Variants in IPO5 observed in about 807,000 individuals in gnomAD.
The protein encoded by IPO5 is importin 5.
Under a neutral mutation model 143.3 loss-of-function variants are expected in IPO5, and 18 were observed. The observed-to-expected ratio is 0.13, with a 90% CI of 0.09 to 0.19. The LOEUF is 0.19. IPO5 is among the 10% of genes least tolerant of loss of function. The pLI, the probability that IPO5 is intolerant of heterozygous loss-of-function variation, is 1.00. For missense variants in IPO5, 1,013 were observed against 1,336.9 expected (o/e 0.76, Z 3.78); for synonymous variants, 477 against 465.7 (o/e 1.02, Z -0.31).
chr13:98,007,267 C>A (rs1305641998), intron 17 of IPO5: 2 of 152,274 alleles, frequency 1.3e-5, no homozygotes, highest in African/African-American at 2.4e-5. Context: ...TATCCATGTT[C>A]GTTCCCTTTA....
In IPO5 at chr13:98,021,153, T is replaced by C. The variant is rs1423609198; in HGVS notation, c.3207+20T>C. ...GTACAGGTAAGCTGATTTGGTTGAATTGGGGAGGGGGAGATAAAACCTTTT... is the reference window on the plus strand; with the variant it reads ...GTACAGGTAAGCTGATTTGGTTGAACTGGGGAGGGGGAGATAAAACCTTTT... On this transcript the variant is annotated intron_variant, in intron 28 of 28. Coordinates refer to ENST00000651721, the MANE Select transcript of IPO5 (RefSeq NM_002271.6). The C allele has an allele frequency of 1.3e-5, 20 of 1,581,430 alleles. No homozygotes were observed. The highest frequency in any genetic ancestry group is 1.7e-4 in the Middle Eastern group (1 of 5,996).
intron 18 of IPO5, among the ~76,000 whole-genome samples, chr13:98,008,426 G>A (rs576287972): frequency 2.0e-5 from 3 of 152,242 alleles, no homozygotes; most frequent in Admixed American, 6.5e-5. Context: ...CACAGACATG[G>A]CTTCCGGTTT....
intron 6 of IPO5, chr13:97,988,002 G>A: frequency 3.3e-6 from 1 of 304,574 alleles, no homozygotes; most frequent in South Asian, 2.6e-5. Flanking sequence ...TCATCTTTAG[G>A]TTGAAGAAAC....
In IPO5 at chr13:97,990,114, A is replaced by T; in HGVS notation, c.468-12A>T. 1 of 1,499,554 alleles carries T rather than the reference A, an allele frequency of 6.7e-7. No homozygotes were observed. The highest frequency in any genetic ancestry group is 1.1e-5 in the South Asian group (1 of 87,636). The allele number at this position is 1,499,554 out of a possible 1,614,324, so 92.9% of individuals were successfully genotyped here. Reference sequence around the variant, plus strand: ...AATGTAGTTTTTAAAGAATGTTTGGATTATCTTTTAGGAACTTTCCTGGAA... The same window carrying T: ...AATGTAGTTTTTAAAGAATGTTTGGTTTATCTTTTAGGAACTTTCCTGGAA... On this transcript the variant is annotated splice_polypyrimidine_tract_variant and intron_variant, in intron 7 of 28. Transcript: ENST00000651721.
chr13:97,996,270 T>G (rs1464751072), intron 11 of IPO5, among the ~76,000 whole-genome samples: 1 of 152,076 alleles, frequency 6.6e-6, no homozygotes, highest in Non-Finnish European at 1.5e-5. Flanking sequence ...AGGCTGGTCT[T>G]GAACTCCTGG....
At chr13:98,009,061 G>A (rs1339517639) in intron 18 of IPO5, among the ~76,000 whole-genome samples, 1 of 152,206 alleles carries the variant, frequency 6.6e-6, no homozygotes, top group African/African-American at 2.4e-5. Context: ...TGAGGGGACT[G>A]TAAGCTGTAG....
At chr13:97,993,487 A>T (rs1887968646) in intron 11 of IPO5, among the ~76,000 whole-genome samples, 1 of 152,202 alleles carries the variant, frequency 6.6e-6, no homozygotes, top group Non-Finnish European at 1.5e-5. Flanking sequence ...TCTATCATTT[A>T]TATGTTAATA....
chr13:97,979,017 G>A (rs1457391704), intron 4 of IPO5, among the ~76,000 whole-genome samples: 1 of 152,176 alleles, frequency 6.6e-6, no homozygotes, highest in Non-Finnish European at 1.5e-5. Context: ...ACTAAGTACT[G>A]TGATACAGAA....
chr13:98,021,118 C>A lies in IPO5; in HGVS notation c.3192C>A (p.Val1064=). The A allele has an allele frequency of 6.2e-7, 1 of 1,604,658 alleles. No homozygotes were observed. The highest frequency in any genetic ancestry group is 8.5e-7 in the Non-Finnish European group (1 of 1,176,790). ...CTTGTGCCAAACGTCTGGCCAATGT[C>A]GTTCGCCAAGTACAGGTAAGCTGAT... ...EDPCAKRLAN[V]VRQVQTSGGL... The change falls in exon 28 of 29, where the codon GTC becomes GTA. Residue 1064 remains valine, a synonymous_variant. Transcript: ENST00000651721.
chr13:97,982,598 T>A lies in IPO5; in HGVS notation c.171+15T>A. The A allele has an allele frequency of 7.0e-7, 1 of 1,429,924 alleles. No individual in the cohort carries two copies. The highest frequency in any genetic ancestry group is 2.3e-5 in the East Asian group (1 of 43,832). 88.6% of individuals were successfully genotyped at this position (1,429,924 alleles called of 1,614,324 possible). On this transcript the variant is annotated intron_variant, in intron 5 of 28. Transcript: ENST00000651721. ...CTGCTGAAGAGGTACTACCTTAATA[T>A]TTGTGACTATTACATTCTTAGAAAA...
chr13:97,986,073 C>G (rs1177376293), intron 6 of IPO5, among the ~76,000 whole-genome samples: 1 of 151,926 alleles, frequency 6.6e-6, no homozygotes, highest in Non-Finnish European at 1.5e-5. Context: ...GGTGATCACG[C>G]TACTGCACTC....
At chr13:97,963,124 A>C (rs535994204) in intron 2 of IPO5, 1 of 152,334 alleles carries the variant, frequency 6.6e-6, no homozygotes, top group East Asian at 1.9e-4. Flanking sequence ...CTTTAGTTAA[A>C]GTCAACTGAT....
intron 20 of IPO5, among the ~76,000 whole-genome samples, chr13:98,010,711 A>G (rs1289393845): frequency 2.0e-5 from 3 of 148,660 alleles, no homozygotes; most frequent in Non-Finnish European, 4.4e-5. Flanking sequence ...TGGTGTGCAT[A>G]TGCATGTTTA....
At chr13:97,990,822 A>G (rs1013800673) in intron 9 of IPO5, among the ~76,000 whole-genome samples, 7 of 152,224 alleles carry the variant, frequency 4.6e-5, no homozygotes, top group Non-Finnish European at 1.0e-4. Context: ...GATTATTTCC[A>G]TTAAATCAAC....
chr13:97,979,419 T>A (rs1283040823), intron 4 of IPO5, among the ~76,000 whole-genome samples: 1 of 152,210 alleles, frequency 6.6e-6, no homozygotes, highest in Non-Finnish European at 1.5e-5. Context: ...TTTCTATTTT[T>A]AAAAATCTGT....
chr13:97,965,256 T>C (rs1227326148), intron 2 of IPO5, among the ~76,000 whole-genome samples: 1 of 152,088 alleles, frequency 6.6e-6, no homozygotes, highest in Non-Finnish European at 1.5e-5. Flanking sequence ...GCTTAAAACC[T>C]AGATGATGGG....
At chr13:98,004,267 A>T (rs1488766254) in intron 16 of IPO5, among the ~76,000 whole-genome samples, 1 of 152,266 alleles carries the variant, frequency 6.6e-6, no homozygotes, top group Non-Finnish European at 1.5e-5. Flanking sequence ...AGCACTGGCA[A>T]TTGGTCAGAG....
chr13:97,967,993 TG>T (rs1172717945), intron 2 of IPO5, among the ~76,000 whole-genome samples: 33 of 152,274 alleles, frequency 2.2e-4, no homozygotes, highest in Non-Finnish European at 3.4e-4. Flanking sequence ...TCACTCTGTC[TG>T]TCACCCAGGT....
chr13:98,003,573 G>A (rs866715351), intron 16 of IPO5, among the ~76,000 whole-genome samples: 55 of 152,234 alleles, frequency 3.6e-4, no homozygotes, highest in Middle Eastern at 6.8e-3. Flanking sequence ...GAAAGGGCCC[G>A]GCACGGTGGC....
Sources: gnomAD v4.1 joint callset for allele counts (sites outside exome capture counted in the v4.1 genomes callset) on GRCh38, gnomAD v4.1.1 for gene constraint, MANE v1.5 for transcripts, NCBI Gene and HGNC (gene_info 2026-07-23, HGNC 2026-07-21) for gene names.